The following EXT1 variants were observed in gnomAD, a reference collection of about 807,000 sequenced individuals.
EXT1 encodes exostosin-1.
A neutral mutation model predicts 82.5 loss-of-function variants in EXT1; 20 were observed. The observed-to-expected ratio is 0.24, with a 90% CI of 0.17 to 0.35. The LOEUF (loss-of-function observed/expected upper bound fraction) is 0.35. EXT1 is among the 10% of genes least tolerant of loss of function. The pLI is 1.00. For missense variants in EXT1, 757 were observed against 936.5 expected (o/e 0.81, Z 2.50); for synonymous variants, 348 against 350.8 (o/e 0.99, Z 0.09).
chr8:118,002,894 G>C (rs1181298102), intron 1 of EXT1, among the ~76,000 whole-genome samples: 1 of 152,064 alleles, frequency 6.6e-6, no homozygotes. Context: ...TATCTACCCA[G>C]AGGAAAAGAA....
intron 1 of EXT1, among the ~76,000 whole-genome samples, chr8:118,006,896 AGCGTAGGGCT>A (rs1815787380): frequency 6.6e-6 from 1 of 152,218 alleles, no homozygotes; most frequent in African/African-American, 2.4e-5. Flanking sequence ...TAGAAATGCA[AGCGTAGGGCT>A]GCCAAATCTT....
At chr8:118,036,429 T>C (rs1816419937) in intron 1 of EXT1, among the ~76,000 whole-genome samples, 1 of 152,164 alleles carries the variant, frequency 6.6e-6, no homozygotes, top group Admixed American at 6.6e-5. Context: ...CACTGATCTC[T>C]TGCCTGGGAT....
At chr8:117,943,049 A>G (rs1814319610) in intron 1 of EXT1, among the ~76,000 whole-genome samples, 1 of 152,202 alleles carries the variant, frequency 6.6e-6, no homozygotes. Context: ...TCCATATCCA[A>G]TTTTCCAGTA....
In EXT1 at chr8:117,973,886, G is replaced by GAAAGGAAAGGAAAGGAAAGGAAAGA. The variant is rs747386364; in HGVS notation, c.962+136198_962+136199insTCTTTCCTTTCCTTTCCTTTCCTTT. Among the ~76,000 whole-genome samples the GAAAGGAAAGGAAAGGAAAGGAAAGA allele has an allele frequency of 9.2e-3, 617 of 67,368 alleles. 119 individuals are homozygous for GAAAGGAAAGGAAAGGAAAGGAAAGA. Among genetic ancestry groups the GAAAGGAAAGGAAAGGAAAGGAAAGA allele is most frequent in the African/African-American group, 0.011 (186 of 16,698 alleles). The allele number at this position is 67,368 out of a possible 152,430, so 44.2% of individuals were successfully genotyped here. ...GAAAGGAAAGGAAAGGAAAGGAAAG[G>GAAAGGAAAGGAAAGGAAAGGAAAGA]AAGGAAAGGAAAGAAAAGGAAAGGA... On this transcript the variant is annotated intron_variant, in intron 1 of 10. Transcript: ENST00000378204.
intron 1 of EXT1, among the ~76,000 whole-genome samples, chr8:118,050,316 A>C (rs1486514594): frequency 1.3e-5 from 2 of 152,218 alleles, no homozygotes; most frequent in African/African-American, 4.8e-5. Context: ...CTATACATGT[A>C]TAGATGCTTT....
chr8:117,929,783 T>C (rs112725133), intron 1 of EXT1, among the ~76,000 whole-genome samples: 20 of 152,372 alleles, frequency 1.3e-4, no homozygotes, highest in Non-Finnish European at 2.5e-4. Flanking sequence ...TATCTCAATA[T>C]GGGCATCTAT....
chr8:117,911,514 C>T (rs768454040), intron 1 of EXT1, among the ~76,000 whole-genome samples: 1 of 152,174 alleles, frequency 6.6e-6, no homozygotes, highest in African/African-American at 2.4e-5. Context: ...CATCACAGCC[C>T]ACTCAAGCTC....
At chr8:117,803,630 C>T (rs1823199186) in intron 10 of EXT1, among the ~76,000 whole-genome samples, 1 of 152,044 alleles carries the variant, frequency 6.6e-6, no homozygotes, top group South Asian at 2.1e-4. Context: ...GTCCACAGAC[C>T]CTGGGATTCA....
chr8:117,914,048 G>A (rs1057183771), intron 1 of EXT1, among the ~76,000 whole-genome samples: 3 of 152,170 alleles, frequency 2.0e-5, no homozygotes, highest in Admixed American at 2.0e-4. Flanking sequence ...ACTTCTAAGG[G>A]TAGGGTGGCG....
intron 1 of EXT1, among the ~76,000 whole-genome samples, chr8:117,933,184 C>T (rs1462744835): frequency 6.6e-6 from 1 of 151,822 alleles, no homozygotes; most frequent in African/African-American, 2.4e-5. Flanking sequence ...ATTCATGGAA[C>T]TATCTTAAAT....
chr8:117,867,147 T>C (rs1162045869), intron 1 of EXT1, among the ~76,000 whole-genome samples: 1 of 150,992 alleles, frequency 6.6e-6, no homozygotes, highest in East Asian at 2.0e-4. Flanking sequence ...TAGTTCTAGC[T>C]ACTTGGGAGG....
In EXT1 at chr8:118,111,404, A is replaced by G. The variant is rs886062639; in HGVS notation, c.-358T>C. The G allele has an allele frequency of 4.1e-4, 223 of 548,450 alleles. 3 individuals are homozygous for G. Among genetic ancestry groups the G allele is most frequent in the Non-Finnish European group, 9.3e-5 (29 of 311,614 alleles). 34.0% of individuals were successfully genotyped at this position (548,450 alleles called of 1,614,324 possible). A position where few individuals can be genotyped will look rare whatever the true frequency, so the allele number is the denominator to read the frequency against. ...AAAAAAAAGCTCCCGATACCCAATC[A>G]ATGGCAAGACGAAGTGATTGCCTTG... On this transcript the variant is annotated 5_prime_UTR_variant, in exon 1 of 11. Transcript: ENST00000378204.
intron 1 of EXT1, among the ~76,000 whole-genome samples, chr8:118,053,315 C>T (rs1294611128): frequency 6.6e-6 from 1 of 152,114 alleles, no homozygotes; most frequent in Non-Finnish European, 1.5e-5. Context: ...ATGTCCCTCT[C>T]AGGAGTTCCT....
intron 1 of EXT1, among the ~76,000 whole-genome samples, chr8:117,922,400 T>G (rs1001862222): frequency 6.6e-6 from 1 of 152,162 alleles, no homozygotes; most frequent in Non-Finnish European, 1.5e-5. Context: ...AAGCCAGAAC[T>G]CAAAAGAACA....
At chr8:117,979,083 G>A (rs962576922) in intron 1 of EXT1, among the ~76,000 whole-genome samples, 1 of 152,086 alleles carries the variant, frequency 6.6e-6, no homozygotes, top group Non-Finnish European at 1.5e-5. Context: ...GGCCAGGCAC[G>A]GTGGCTCATG....
intron 1 of EXT1, among the ~76,000 whole-genome samples, chr8:118,109,730 C>G (rs1817859350): frequency 6.6e-6 from 1 of 152,126 alleles, no homozygotes; most frequent in Non-Finnish European, 1.5e-5. Context: ...TCTCTAGATA[C>G]CCTCAGAAAC....
At chr8:117,813,023 T>C in intron 7 of EXT1, 62 bp from the exon 8 acceptor site, 1 of 1,372,428 alleles carries the variant, frequency 7.3e-7, no homozygotes, top group Non-Finnish European at 1.0e-6. Flanking sequence ...CTTCAGAGTC[T>C]TGTTTTCAGG....
At chr8:117,827,032 T>A (rs955579205) in intron 4 of EXT1, among the ~76,000 whole-genome samples, 6 of 152,208 alleles carry the variant, frequency 3.9e-5, no homozygotes, top group African/African-American at 1.4e-4. Flanking sequence ...CCATCTTTCA[T>A]CTGGCAAATC....
chr8:117,912,353 G>A (rs1005743092), intron 1 of EXT1, among the ~76,000 whole-genome samples: 2 of 152,204 alleles, frequency 1.3e-5, no homozygotes, highest in African/African-American at 2.4e-5. Context: ...GGGCAGGTAG[G>A]AGAACTTTCA....
Sources: gnomAD v4.1 joint callset for allele counts (sites outside exome capture counted in the v4.1 genomes callset) on GRCh38, gnomAD v4.1.1 for gene constraint, MANE v1.5 for transcripts, NCBI Gene and HGNC (gene_info 2026-07-23, HGNC 2026-07-21) for gene names.